DLGAP2: variants seen among roughly 807,000 people sequenced by gnomAD.
DLGAP2 encodes the protein disks large-associated protein 2.
A neutral mutation model predicts 100.3 loss-of-function variants in DLGAP2; 26 were observed. That is an observed-to-expected ratio of 0.26 (90% confidence interval 0.19 to 0.36). DLGAP2 has a LOEUF of 0.36. DLGAP2 is among the 10% of genes least tolerant of loss of function. The probability of loss-of-function intolerance (pLI) is 1.00; values close to 1 mark genes in which losing one functional copy is unlikely to be tolerated. For synonymous variants in DLGAP2, 886 were observed against 630.1 expected, an observed-to-expected ratio of 1.41 and a Z score of -6.08; for missense variants, 1,858 against 1,453.2, an observed-to-expected ratio of 1.28 and a Z score of -4.53.
intron 1 of DLGAP2, among the ~76,000 whole-genome samples, chr8:899,998 G>A (rs564881841): frequency 6.6e-6 from 1 of 152,246 alleles, no homozygotes; most frequent in Non-Finnish European, 1.5e-5. Flanking sequence ...ATGGGTGACC[G>A]AAGAGAAAGC....
intron 3 of DLGAP2, among the ~76,000 whole-genome samples, chr8:1,275,623 A>G (rs1754158349): frequency 6.7e-6 from 1 of 149,656 alleles, no homozygotes; most frequent in African/African-American, 2.5e-5. Context: ...AGAAGTTTAT[A>G]GGAAAAGGGT....
rs1482675822 is a variant in DLGAP2, at chr8:1,702,626, A to C, written c.*1220A>C. The C allele has an allele frequency of 6.6e-6, 1 of 152,506 alleles. No homozygotes were observed. Among genetic ancestry groups the C allele is most frequent in the African/African-American group, 2.4e-5 (1 of 41,466 alleles). The allele number at this position is 152,506 out of a possible 1,614,324, so 9.4% of individuals were successfully genotyped here. ...ATTTCCAGCTGTAGCATTCAAAAAAAAAATTGGTGTTCATGACTCTGTGGT... is the reference window on the plus strand; with the variant it reads ...ATTTCCAGCTGTAGCATTCAAAAAACAAATTGGTGTTCATGACTCTGTGGT... On this transcript the variant is annotated 3_prime_UTR_variant, in exon 15 of 15. Coordinates refer to ENST00000637795, the MANE Select transcript of DLGAP2 (RefSeq NM_001346810.2).
intron 11 of DLGAP2, 104 bp downstream of exon 11, chr8:1,676,722 C>G (rs1798819673): frequency 8.9e-7 from 1 of 1,126,822 alleles, no homozygotes; most frequent in Admixed American, 2.1e-5. Context: ...CATGCCTGTC[C>G]TTGTGGAAAC....
intron 1 of DLGAP2, among the ~76,000 whole-genome samples, chr8:800,182 T>TG (rs1271688838): frequency 6.6e-6 from 1 of 152,188 alleles, no homozygotes; most frequent in Non-Finnish European, 1.5e-5. Context: ...GCCCGAGGTG[T>TG]GGGTCCTGCC....
intron 1 of DLGAP2, among the ~76,000 whole-genome samples, chr8:738,357 C>T (rs890371509): frequency 6.6e-6 from 1 of 151,754 alleles, no homozygotes; most frequent in Non-Finnish European, 1.5e-5. Flanking sequence ...CGGGGGCGAC[C>T]AGGATGGGGC....
At chr8:920,919 C>A (rs1414586200) in intron 2 of DLGAP2, among the ~76,000 whole-genome samples, 2 of 152,212 alleles carry the variant, frequency 1.3e-5, no homozygotes, top group African/African-American at 4.8e-5. Flanking sequence ...GCAGGATGAG[C>A]TGAATCCTGG....
chr8:1,549,608 G>C lies in DLGAP2; in HGVS notation c.1155G>C (p.Lys385Asn). 6.3e-7 allele frequency: 1 copy of C among 1,594,948 alleles called. No homozygotes were observed. Among genetic ancestry groups the C allele is most frequent in the Non-Finnish European group, 8.5e-7 (1 of 1,173,068 alleles). The change falls in exon 5 of 15, where the codon AAG becomes AAC. Residue 385 changes from lysine (K) to asparagine (N), a missense_variant. Transcript: ENST00000637795. ...TVSQAKEAYR[K>N]SSLNLDKPLL... ...GCCAGGCCAAGGAGGCCTACCGCAA[G>C]AGCTCGCTGAACCTGGACAAGCCGC... is the stretch of plus-strand genomic sequence containing the variant.
chr8:1,067,009 C>T (rs940025665), intron 2 of DLGAP2, among the ~76,000 whole-genome samples: 2 of 152,206 alleles, frequency 1.3e-5, no homozygotes, highest in African/African-American at 4.8e-5. Flanking sequence ...TGATGCCCGA[C>T]TCTGACTGGT....
intron 4 of DLGAP2, among the ~76,000 whole-genome samples, chr8:1,522,538 C>T (rs73172589): frequency 0.08 from 12,133 of 152,266 alleles, 555 homozygotes; most frequent in Middle Eastern, 0.16. Flanking sequence ...CGGCCATCAG[C>T]AGATCCTTTA....
chr8:1,601,749 A>C (rs1456833206), intron 6 of DLGAP2, among the ~76,000 whole-genome samples: 1 of 152,010 alleles, frequency 6.6e-6, no homozygotes, highest in African/African-American at 2.4e-5. Flanking sequence ...AATTTCCTCA[A>C]ATGCTCAGAG....
intron 2 of DLGAP2, among the ~76,000 whole-genome samples, chr8:1,218,172 T>C (rs1798249354): frequency 6.6e-6 from 1 of 152,238 alleles, no homozygotes. Flanking sequence ...CAACACTATG[T>C]TCAGAATGGT....
intron 3 of DLGAP2, among the ~76,000 whole-genome samples, chr8:1,417,655 T>A (rs1477060415): frequency 6.8e-6 from 1 of 147,052 alleles, no homozygotes; most frequent in Non-Finnish European, 1.5e-5. Flanking sequence ...GGAGCCCCAC[T>A]CCTGCCTCAC....
chr8:1,509,054 C>T (rs1281005301), intron 4 of DLGAP2, among the ~76,000 whole-genome samples: 3 of 152,052 alleles, frequency 2.0e-5, no homozygotes, highest in Non-Finnish European at 4.4e-5. Context: ...TAGACTAGGC[C>T]GGGCACGGTG....
chr8:838,194 G>T (rs1413380231), intron 1 of DLGAP2, among the ~76,000 whole-genome samples: 1 of 152,006 alleles, frequency 6.6e-6, no homozygotes, highest in Non-Finnish European at 1.5e-5. Flanking sequence ...CGTACTTCTT[G>T]TCTTTCCCCT....
rs1796743759 is a variant in DLGAP2 at position 829,578 on chromosome 8, C to T, written c.19-78334C>T. Among the ~76,000 whole-genome samples, 8 of 152,286 alleles carry T rather than the reference C, an allele frequency of 5.3e-5. No individual in the cohort carries two copies. The South Asian group carries it at 1.0e-3, about 20-fold the overall frequency. On this transcript the variant is annotated intron_variant, in intron 1 of 14. Transcript: ENST00000637795. ...ACCTTCAATCTTATTCAGAGCTTTG[C>T]TTCTAGAAATCGTGAAAACTATAAA...
At chr8:1,547,218 G>A (rs1048868312) in intron 4 of DLGAP2, among the ~76,000 whole-genome samples, 24 of 152,206 alleles carry the variant, frequency 1.6e-4, no homozygotes, top group Non-Finnish European at 1.6e-4. Context: ...GAGCTTGGAC[G>A]TCTGGTCTGG....
At chr8:1,700,206 G>C (rs1415619993) in intron 14 of DLGAP2, among the ~76,000 whole-genome samples, 1 of 152,148 alleles carries the variant, frequency 6.6e-6, no homozygotes, top group Non-Finnish European at 1.5e-5. Context: ...GCTCCCTTTG[G>C]AATTTTTCAG....
chr8:1,586,917 C>T (rs1385678429), intron 6 of DLGAP2, among the ~76,000 whole-genome samples: 1 of 152,180 alleles, frequency 6.6e-6, no homozygotes, highest in Admixed American at 6.5e-5. Context: ...ATGCTTTCAC[C>T]TTCATCAGTG....
At chr8:1,628,342 C>T (rs943320412) in intron 7 of DLGAP2, among the ~76,000 whole-genome samples, 2 of 146,486 alleles carry the variant, frequency 1.4e-5, no homozygotes, top group African/African-American at 5.2e-5. Flanking sequence ...CTCTGACTTA[C>T]TGTGGAGCAG....
Sources: gnomAD v4.1 joint callset for allele counts (sites outside exome capture counted in the v4.1 genomes callset) on GRCh38, gnomAD v4.1.1 for gene constraint, MANE v1.5 for transcripts, NCBI Gene and HGNC (gene_info 2026-07-23, HGNC 2026-07-21) for gene names.